ASZ1: variants seen among roughly 807,000 people sequenced by gnomAD.
ASZ1 encodes ankyrin repeat, SAM and basic leucine zipper domain containing 1.
A neutral mutation model predicts 61.8 loss-of-function variants in ASZ1; 67 were observed. That is an observed-to-expected ratio of 1.08 (90% confidence interval 0.89 to 1.33). The LOEUF is 1.33. Ranked by LOEUF, ASZ1 falls within the 40% of genes most tolerant of loss-of-function variation. The probability of loss-of-function intolerance (pLI) is 0.00; values close to 1 mark genes in which losing one functional copy is unlikely to be tolerated. For synonymous variants in ASZ1, 193 were observed against 192.7 expected (o/e 1.00, Z -0.01); for missense variants, 577 against 554.5 (o/e 1.04, Z -0.41).
intron 4 of ASZ1, among the ~76,000 whole-genome samples, chr7:117,405,805 T>C (rs1187442908): frequency 6.6e-6 from 1 of 152,214 alleles, no homozygotes; most frequent in Non-Finnish European, 1.5e-5. Context: ...ATTAAAGACA[T>C]ACATAAGGTG....
chr7:117,393,363 A>AT (rs1274877250), intron 4 of ASZ1, among the ~76,000 whole-genome samples: 1 of 152,078 alleles, frequency 6.6e-6, no homozygotes, highest in South Asian at 2.1e-4. Flanking sequence ...ATGATTATAG[A>AT]TTTTTTATTC....
chr7:117,373,109 C>T (rs1397058689), intron 10 of ASZ1, among the ~76,000 whole-genome samples: 3 of 152,048 alleles, frequency 2.0e-5, no homozygotes, highest in Admixed American at 2.0e-4. Flanking sequence ...CTGACACCTT[C>T]AAGTGGATGT....
At position 117,383,073 on chromosome 7, in the gene ASZ1, T is replaced by TTA; in HGVS notation, c.724_725insTA (p.Glu242ValfsTer8). ...TTTAGTTAGCTGTTGAAGTTTTCCT[T>TTA]CCAATGGATTTAAAGTAAAAGAAAG... On this transcript the variant is annotated frameshift_variant, in exon 7 of 13. Coordinates refer to ENST00000284629, the MANE Select transcript of ASZ1 (RefSeq NM_130768.3). LOFTEE classifies it high-confidence loss of function. The TTA allele has an allele frequency of 6.3e-7, 1 of 1,580,602 alleles. No homozygotes were observed. The highest frequency in any genetic ancestry group is 8.6e-7 in the Non-Finnish European group (1 of 1,165,988).
intron 2 of ASZ1, among the ~76,000 whole-genome samples, chr7:117,423,747 A>T (rs1797145196): frequency 6.6e-6 from 1 of 151,072 alleles, no homozygotes; most frequent in South Asian, 2.1e-4. Context: ...CTGTAGTCTC[A>T]GCTACTTGGG....
intron 4 of ASZ1, among the ~76,000 whole-genome samples, chr7:117,412,939 G>C (rs1246109253): frequency 1.3e-5 from 2 of 151,926 alleles, no homozygotes; most frequent in Non-Finnish European, 1.5e-5. Context: ...ACTATGTCAA[G>C]TTTCAATTCA....
intron 4 of ASZ1, among the ~76,000 whole-genome samples, chr7:117,406,301 A>T (rs995774958): frequency 1.4e-4 from 21 of 152,240 alleles, no homozygotes; most frequent in African/African-American, 4.8e-4. Context: ...AGATGTATTT[A>T]AAAAAGGTTT....
In ASZ1 at chr7:117,367,387, C is replaced by T. The variant is rs368462441; in HGVS notation, c.1240G>A (p.Glu414Lys). 8 of 1,564,326 alleles carry T rather than the reference C, an allele frequency of 5.1e-6. No individual in the cohort carries two copies. Among genetic ancestry groups the T allele is most frequent in the African/African-American group, 2.8e-5 (2 of 72,486 alleles). ...AGGTCTTTTAGTTTGCAGACCTTTT[C>T]ACTCAAATCTTCAACATTATTAACC... ...ELVNNVEDLS[E>K]KVCKLKDLIQ... Residue 414 changes from glutamate (E) to lysine (K), a missense_variant, in exon 12 of 13, where the codon GAA becomes AAA. Glu to Lys is a moderately conservative substitution (Grantham distance 56). Transcript: ENST00000284629.
At chr7:117,383,596 A>AC (rs1294133041) in intron 6 of ASZ1, among the ~76,000 whole-genome samples, 1 of 151,976 alleles carries the variant, frequency 6.6e-6, no homozygotes, top group African/African-American at 2.4e-5. Context: ...ACAAATCCTA[A>AC]CTGAACACCT....
At chr7:117,388,341 G>A (rs555949374) in intron 4 of ASZ1, among the ~76,000 whole-genome samples, 1 of 151,724 alleles carries the variant, frequency 6.6e-6, no homozygotes, top group Non-Finnish European at 1.5e-5. Flanking sequence ...AAAACCAGAG[G>A]GTGCCATTAT....
In ASZ1 at chr7:117,425,259, C is replaced by CTTTTTT. The variant is rs71148368; in HGVS notation, c.205+1571_205+1576dup. 1.7e-3 allele frequency among the ~76,000 whole-genome samples: 164 copies of CTTTTTT among 93,822 alleles called. 2 individuals are homozygous for CTTTTTT. The highest frequency in any genetic ancestry group is 4.0e-3 in the East Asian group (10 of 2,518). The allele number at this position is 93,822 out of a possible 152,430, so 61.6% of individuals were successfully genotyped here. On this transcript the variant is annotated intron_variant, in intron 2 of 12. Transcript: ENST00000284629. Reference sequence around the variant, plus strand: ...TGCTTGTTATTCCTTTGAGTAATTTCTTTTTTTTTTTTTTTTTTTTTTTTG... The same window carrying CTTTTTT: ...TGCTTGTTATTCCTTTGAGTAATTTCTTTTTTTTTTTTTTTTTTTTTTTTTTTTTTG...
intron 1 of ASZ1, 32 bp from the exon 2 acceptor site, chr7:117,426,967 TTA>T: frequency 5.1e-6 from 8 of 1,556,870 alleles, no homozygotes; most frequent in Non-Finnish European, 6.9e-6. Context: ...AAAATTCTTG[TTA>T]TATATATTTT....
chr7:117,398,044 G>C (rs961457002), intron 4 of ASZ1, among the ~76,000 whole-genome samples: 1 of 152,218 alleles, frequency 6.6e-6, no homozygotes, highest in African/African-American at 2.4e-5. Context: ...AACCACAAAT[G>C]ATGTATTTTT....
chr7:117,363,584 C>A lies in ASZ1; in HGVS notation c.*12G>T. The A allele has an allele frequency of 6.3e-7, 1 of 1,583,432 alleles. No homozygotes were observed. On this transcript the variant is annotated 3_prime_UTR_variant, in exon 13 of 13. Transcript: ENST00000284629. ...TAAGATGTGTATATATAACTTAAAA[C>A]AAATATTTGGATTATTTCCTCTGGA...
At chr7:117,420,397 C>T in intron 3 of ASZ1, 123 bp from the exon 4 acceptor site, 1 of 566,040 alleles carries the variant, frequency 1.8e-6, no homozygotes. Flanking sequence ...CCAAATCTCT[C>T]ACTCTTAGCA....
chr7:117,415,870 A>G (rs899101630), intron 4 of ASZ1, among the ~76,000 whole-genome samples: 1 of 152,232 alleles, frequency 6.6e-6, no homozygotes, highest in Non-Finnish European at 1.5e-5. Context: ...ACCAAACATG[A>G]TTCTCAATAA....
At chr7:117,398,904 T>C (rs1584732902) in intron 4 of ASZ1, among the ~76,000 whole-genome samples, 2 of 152,182 alleles carry the variant, frequency 1.3e-5, no homozygotes, top group Non-Finnish European at 2.9e-5. Context: ...TTTTATGATC[T>C]TCAGTTGGCT....
chr7:117,396,847 C>T (rs1796583548), intron 4 of ASZ1, among the ~76,000 whole-genome samples: 1 of 151,960 alleles, frequency 6.6e-6, no homozygotes, highest in African/African-American at 2.4e-5. Flanking sequence ...GTAATCTATT[C>T]CTTGGAAGTT....
intron 10 of ASZ1, among the ~76,000 whole-genome samples, chr7:117,370,859 T>C (rs1240477477): frequency 6.9e-6 from 1 of 145,672 alleles, no homozygotes; most frequent in East Asian, 2.0e-4. Context: ...TGACAGAGTC[T>C]TGCTCTGTTG....
intron 2 of ASZ1, among the ~76,000 whole-genome samples, chr7:117,423,742 G>A (rs1388015448): frequency 3.4e-5 from 5 of 146,918 alleles, no homozygotes; most frequent in Non-Finnish European, 7.5e-5. Flanking sequence ...GGTGCCTGTA[G>A]TCTCAGCTAC....
Sources: allele counts gnomAD v4.1 joint callset (sites outside exome capture counted in the v4.1 genomes callset), GRCh38; gene constraint gnomAD v4.1.1; transcripts MANE v1.5; gene names NCBI Gene and HGNC (gene_info 2026-07-23, HGNC 2026-07-21).